CCDC50: variants seen among roughly 807,000 people sequenced by gnomAD.
The protein encoded by CCDC50 is coiled-coil domain containing 50.
A neutral mutation model predicts 70.2 loss-of-function variants in CCDC50; 54 were observed. The observed-to-expected ratio is 0.77, with a 90% confidence interval of 0.62 to 0.96. The LOEUF is 0.96. CCDC50 is among the 50% of genes least tolerant of loss of function. CCDC50 has a pLI of 0.00. For synonymous variants in CCDC50, 216 were observed against 198.8 expected, an observed-to-expected ratio of 1.09 and a Z score of -0.73; for missense variants, 558 against 578.7, an observed-to-expected ratio of 0.96 and a Z score of 0.37.
chr3:191,329,938 T>TGGA (rs1717898351), intron 1 of CCDC50, among the ~76,000 whole-genome samples: 1 of 5,520 alleles, frequency 1.8e-4, no homozygotes, highest in African/African-American at 5.9e-4. Flanking sequence ...CTCAAGGGGG[T>TGGA]GGTTGGGGGG....
chr3:191,346,232 A>G (rs1711919733), intron 1 of CCDC50, among the ~76,000 whole-genome samples: 1 of 152,226 alleles, frequency 6.6e-6, no homozygotes, highest in African/African-American at 2.4e-5. Context: ...TTAGATGCTT[A>G]TATTAGAATA....
intron 4 of CCDC50, among the ~76,000 whole-genome samples, chr3:191,365,737 A>AT (rs764796671): frequency 1.1e-3 from 160 of 152,230 alleles, no homozygotes; most frequent in Non-Finnish European, 1.3e-3. Context: ...TAAACTCCAG[A>AT]TTTCCTCTTT....
At chr3:191,358,476 G>A (rs1712370404) in intron 3 of CCDC50, among the ~76,000 whole-genome samples, 1 of 152,176 alleles carries the variant, frequency 6.6e-6, no homozygotes, top group Admixed American at 6.5e-5. Flanking sequence ...GGGATCCAGT[G>A]AAATAGTGGA....
Position 191,358,111 on chromosome 3 carries a change from C to A in CCDC50, c.226C>A (p.Arg76Ser). The change falls in exon 3 of 12, where the codon CGC becomes AGC. Residue 76 changes from arginine to serine, a missense_variant. Coordinates refer to ENST00000392455, the MANE Select transcript of CCDC50 (RefSeq NM_178335.3). ...GAAAGCGCAGGCCCAGCTCCAGAAG[C>A]GCTACAAAGACCTGTGAGGATTTGG... is the stretch of plus-strand genomic sequence containing the variant. Reference protein sequence around the residue: ...DLKAQAQLQKRYKDLEQQDCE... With the variant: ...DLKAQAQLQKSYKDLEQQDCE... 1 of 1,613,760 alleles carries A rather than the reference C, an allele frequency of 6.2e-7. No individual in the cohort carries two copies.
chr3:191,331,737 AAGTG>A (rs932273036), intron 1 of CCDC50, among the ~76,000 whole-genome samples: 2 of 152,192 alleles, frequency 1.3e-5, no homozygotes, highest in Non-Finnish European at 2.9e-5. Context: ...AAGTCTAATA[AAGTG>A]TATCCTTCCC....
chr3:191,335,634 T>G (rs1711507575), intron 1 of CCDC50, among the ~76,000 whole-genome samples: 1 of 152,076 alleles, frequency 6.6e-6, no homozygotes, highest in South Asian at 2.1e-4. Flanking sequence ...CACACATACA[T>G]TAAGTGTGTG....
intron 5 of CCDC50, among the ~76,000 whole-genome samples, chr3:191,372,674 T>G (rs1712953324): frequency 6.6e-6 from 1 of 152,146 alleles, no homozygotes; most frequent in African/African-American, 2.4e-5. Flanking sequence ...GATTATGGAT[T>G]TTCTACAAAT....
chr3:191,350,633 G>A lies in CCDC50; in HGVS notation c.50-6455G>A, dbSNP rs896266192. On this transcript the variant is annotated intron_variant, in intron 1 of 11. Transcript: ENST00000392455. ...TTAGTTGGGAAAGCACTGGGAATGT[G>A]CACATTATTTGGATAATGTGTGAAA... Among the ~76,000 whole-genome samples, 3 of 141,438 alleles carry A rather than the reference G, an allele frequency of 2.1e-5. 1 individual carries two copies. Among genetic ancestry groups the A allele is most frequent in the Non-Finnish European group, 4.8e-5 (3 of 62,716 alleles). 92.8% of individuals were successfully genotyped at this position (141,438 alleles called of 152,430 possible).
At chr3:191,363,075 GTTT>G (rs35947345) in intron 4 of CCDC50, among the ~76,000 whole-genome samples, 14 of 147,864 alleles carry the variant, frequency 9.5e-5, no homozygotes, top group South Asian at 2.1e-4. Flanking sequence ...GTCCTGTGGG[GTTT>G]TTTTTTTTTC....
At chr3:191,342,166 A>G (rs1711754951) in intron 1 of CCDC50, among the ~76,000 whole-genome samples, 1 of 152,146 alleles carries the variant, frequency 6.6e-6, no homozygotes, top group African/African-American at 2.4e-5. Flanking sequence ...CTAACTTTTG[A>G]TTTCCGTAAT....
chr3:191,365,744 C>G (rs575691051), intron 4 of CCDC50, among the ~76,000 whole-genome samples: 9 of 152,226 alleles, frequency 5.9e-5, no homozygotes, highest in Admixed American at 4.6e-4. Flanking sequence ...CAGATTTCCT[C>G]TTTTTGAAAC....
Position 191,380,887 on chromosome 3 carries a change from G to C in CCDC50, c.1197G>C (p.Arg399=). 1 of 1,612,920 alleles carries C rather than the reference G, an allele frequency of 6.2e-7. No homozygotes were observed. The highest frequency in any genetic ancestry group is 8.5e-7 in the Non-Finnish European group (1 of 1,179,252). Reference sequence around the variant, plus strand: ...AAGCTTACAAAAAAGCCAAGGAGCGGGAGAAATCATCTTTGGACAAAAGAA... The same window carrying C: ...AAGCTTACAAAAAAGCCAAGGAGCGCGAGAAATCATCTTTGGACAAAAGAA... The part of the protein sequence containing the change: ...EKKAYKKAKE[R]EKSSLDKRKQ... The change falls in exon 9 of 12, where the codon CGG becomes CGC. Residue 399 remains arginine, a synonymous_variant. Transcript: ENST00000392455.
rs1337113922 is a variant in CCDC50 at position 191,382,259 on chromosome 3, C to T, written c.1243-487C>T. Among the ~76,000 whole-genome samples the T allele has an allele frequency of 2.0e-5, 3 of 152,182 alleles. No individual in the cohort carries two copies. In the East Asian group the frequency reaches 5.8e-4, roughly 29 times the overall value. ...TATAACTGGTACTGATACAGTTCCT[C>T]TCTTGGAAAAGTTGACTTGAATGTG... is the stretch of plus-strand genomic sequence containing the variant. On this transcript the variant is annotated intron_variant, in intron 9 of 11. Transcript: ENST00000392455.
intron 1 of CCDC50, among the ~76,000 whole-genome samples, chr3:191,339,611 A>T (rs1034395282): frequency 1.3e-5 from 2 of 152,226 alleles, no homozygotes; most frequent in African/African-American, 4.8e-5. Flanking sequence ...GCAGATGAAC[A>T]TAAAAAATTT....
At chr3:191,386,517 G>A (rs750376371) in intron 10 of CCDC50, among the ~76,000 whole-genome samples, 17 of 152,184 alleles carry the variant, frequency 1.1e-4, no homozygotes, top group East Asian at 1.9e-4. Context: ...GAGCCACCGC[G>A]CCTGACCTGG....
At chr3:191,337,911 T>C (rs2108632131) in intron 1 of CCDC50, among the ~76,000 whole-genome samples, 1 of 152,286 alleles carries the variant, frequency 6.6e-6, no homozygotes, top group East Asian at 1.9e-4. Context: ...TTCATCTTTT[T>C]AGAAACTTGT....
Position 191,380,716 on chromosome 3 carries a change from A to C in CCDC50, c.1122A>C (p.Gln374His). Residue 374 changes from glutamine to histidine, a missense_variant, in exon 8 of 12, where the codon CAA becomes CAC. By Grantham distance (24) the Gln-to-His change is conservative. Transcript: ENST00000392455. ...LATQVDMRAA[Q>H]VAQDEEIARL... ...CCCAGGTGGACATGAGAGCCGCTCA[A>C]GTAGCTCAAGATGAAGTAAGTTAAT... 6.2e-7 allele frequency: 1 copy of C among 1,612,780 alleles called. No homozygotes were observed. Among genetic ancestry groups the C allele is most frequent in the Non-Finnish European group, 8.5e-7 (1 of 1,179,220 alleles).
At position 191,380,720 on chromosome 3, in the gene CCDC50, G is replaced by T; in HGVS notation, c.1126G>T (p.Ala376Ser). ...TQVDMRAAQV[A>S]QDEEIARLLM... ...GGTGGACATGAGAGCCGCTCAAGTA[G>T]CTCAAGATGAAGTAAGTTAATGAGT... The change falls in exon 8 of 12, where the codon GCT becomes TCT. Residue 376 changes from alanine (A) to serine (S), a missense_variant. By Grantham distance (99) the Ala-to-Ser change is moderately conservative. Coordinates refer to ENST00000392455, the MANE Select transcript of CCDC50 (RefSeq NM_178335.3). 1.2e-6 allele frequency: 2 copies of T among 1,612,700 alleles called. No homozygotes were observed. Among genetic ancestry groups the T allele is most frequent in the Non-Finnish European group, 1.7e-6 (2 of 1,179,188 alleles).
intron 1 of CCDC50, among the ~76,000 whole-genome samples, chr3:191,346,121 G>A (rs1711915119): frequency 6.6e-6 from 1 of 152,096 alleles, no homozygotes; most frequent in Non-Finnish European, 1.5e-5. Context: ...CCATATGTGG[G>A]CTTTACTTTT....
Sources: allele counts gnomAD v4.1 joint callset (sites outside exome capture counted in the v4.1 genomes callset), GRCh38; gene constraint gnomAD v4.1.1; transcripts MANE v1.5; gene names NCBI Gene and HGNC (gene_info 2026-07-23, HGNC 2026-07-21).